The following TRAM1 variants were observed in gnomAD, a reference collection of about 807,000 sequenced individuals.
The protein encoded by TRAM1 is translocation associated membrane protein 1, also known as translocating chain-associated membrane protein 1.
TRAM1 carries 17 observed loss-of-function variants against 48.7 expected under a neutral mutation model. That is an observed-to-expected ratio of 0.35 (90% confidence interval 0.24 to 0.52). The LOEUF is 0.52. Ranked by LOEUF, TRAM1 falls within the 20% of genes least tolerant of loss-of-function variation. TRAM1 has a pLI of 0.94. For missense variants in TRAM1, 351 were observed against 441.5 expected (o/e 0.79, Z 1.84); for synonymous variants, 182 against 154.0 (o/e 1.18, Z -1.34).
intron 1 of TRAM1, chr8:70,607,347 G>T (rs1817760869): frequency 1.0e-6 from 1 of 985,236 alleles, no homozygotes; most frequent in African/African-American, 1.7e-5. Context: ...TCAGAACCTC[G>T]ATTTATCCAT....
rs141215749 is a variant in TRAM1, at chr8:70,608,092, C to T, written c.108G>A (p.Leu36=). 1.9e-4 allele frequency: 298 copies of T among 1,599,444 alleles called. No individual in the cohort carries two copies. The highest frequency in any genetic ancestry group is 2.3e-4 in the Non-Finnish European group (275 of 1,174,048). ...GCGGGCTCACCTCAAACATGAGCCC[C>T]AGCAGGAAGACCATCGCCACACAGG... ...IVSCVAMVFL[L]GLMFEITAKA... Residue 36 remains leucine, a synonymous_variant, in exon 1 of 11, where the codon CTG becomes CTA. Coordinates refer to ENST00000262213, the MANE Select transcript of TRAM1 (RefSeq NM_014294.6).
intron 6 of TRAM1, 57 bp downstream of exon 6, chr8:70,594,449 A>T (rs1291679032): frequency 2.1e-6 from 3 of 1,454,196 alleles, no homozygotes; most frequent in Middle Eastern, 1.8e-4. Flanking sequence ...TTTTAGAAAA[A>T]TTTTTCAAAA....
At chr8:70,578,044 T>C (rs766581320) in intron 10 of TRAM1, among the ~76,000 whole-genome samples, 4 of 152,216 alleles carry the variant, frequency 2.6e-5, no homozygotes, top group African/African-American at 7.2e-5. Flanking sequence ...TGGCTCATGC[T>C]TGACAGGTGT....
At chr8:70,600,875 G>T (rs1403026926) in intron 1 of TRAM1, among the ~76,000 whole-genome samples, 1 of 152,122 alleles carries the variant, frequency 6.6e-6, no homozygotes, top group Non-Finnish European at 1.5e-5. Flanking sequence ...CACAAAGGGG[G>T]ATGAAGAGGA....
intron 1 of TRAM1, chr8:70,607,245 T>C (rs1817757750): frequency 4.1e-6 from 4 of 985,278 alleles, no homozygotes; most frequent in Non-Finnish European, 4.8e-6. Context: ...ATCAAAATAC[T>C]AGATACGTGG....
chr8:70,592,048 C>T (rs1817378033), intron 6 of TRAM1, among the ~76,000 whole-genome samples: 1 of 151,908 alleles, frequency 6.6e-6, no homozygotes, highest in South Asian at 2.1e-4. Flanking sequence ...ATATGATATG[C>T]AATTATAGGT....
In TRAM1 at chr8:70,602,002, T is replaced by C. The variant is rs146271348; in HGVS notation, c.124-1920A>G. On this transcript the variant is annotated intron_variant, in intron 1 of 10. Coordinates refer to ENST00000262213, the MANE Select transcript of TRAM1 (RefSeq NM_014294.6). ...GAGAAGTAGGACAACATCAGACCCATGGAGAGAACAGGGAAAAAAGCAAAA... is the reference window on the plus strand; with the variant it reads ...GAGAAGTAGGACAACATCAGACCCACGGAGAGAACAGGGAAAAAAGCAAAA... 2.1e-3 allele frequency among the ~76,000 whole-genome samples: 317 copies of C among 151,838 alleles called. 2 individuals carry two copies. Among genetic ancestry groups the C allele is most frequent in the African/African-American group, 7.3e-3 (300 of 41,378 alleles).
chr8:70,600,653 C>T (rs184902282), intron 1 of TRAM1, among the ~76,000 whole-genome samples: 8 of 152,180 alleles, frequency 5.3e-5, no homozygotes, highest in Admixed American at 3.9e-4. Context: ...CAAAAAAGGA[C>T]GAGATGAAGA....
intron 10 of TRAM1, among the ~76,000 whole-genome samples, chr8:70,576,113 C>G (rs1563378297): frequency 6.7e-6 from 1 of 148,742 alleles, no homozygotes; most frequent in African/African-American, 2.5e-5. Context: ...AAAAAAAACC[C>G]CAAAACAAAA....
intron 6 of TRAM1, 122 bp from the exon 7 acceptor site, chr8:70,587,298 C>T (rs1348518902): frequency 9.3e-6 from 8 of 858,314 alleles, no homozygotes; most frequent in Non-Finnish European, 1.4e-5. Context: ...AGAGAACCCC[C>T]AACCTTGGCC....
chr8:70,599,923 GATTA>G (rs1817569153), intron 2 of TRAM1, 92 bp downstream of exon 2: 17 of 874,444 alleles, frequency 1.9e-5, no homozygotes, highest in Non-Finnish European at 2.8e-5. Flanking sequence ...GATCTCTGAC[GATTA>G]ATTAACGCAG....
rs534093253 is a variant in TRAM1 at position 70,576,102 on chromosome 8, A to C, written c.1052-1097T>G. ...AAAGAAAAAAAAAAAAAAACCACAC[A>C]AAAAAAAACCCCAAAACAAAACAAA... On this transcript the variant is annotated intron_variant, in intron 10 of 10. Transcript: ENST00000262213. Among the ~76,000 whole-genome samples, 319 of 149,242 alleles carry C rather than the reference A, an allele frequency of 2.1e-3. 5 individuals are homozygous for C. Among genetic ancestry groups the C allele is most frequent in the African/African-American group, 7.5e-3 (306 of 40,596 alleles).
chr8:70,583,213 C>G lies in TRAM1; in HGVS notation c.1002G>C (p.Val334=). 1 of 1,613,954 alleles carries G rather than the reference C, an allele frequency of 6.2e-7. No homozygotes were observed. Among genetic ancestry groups the G allele is most frequent in the Non-Finnish European group, 8.5e-7 (1 of 1,179,968 alleles). Residue 334 remains valine, a synonymous_variant, in exon 10 of 11, where the codon GTG becomes GTC. Coordinates refer to ENST00000262213, the MANE Select transcript of TRAM1 (RefSeq NM_014294.6). ...CTTTAGTTACTGTTGGTTTCTTCTT[C>G]ACAGCTGGTGCCTGAAAAGCAGAAT... is the stretch of plus-strand genomic sequence containing the variant. ...REHSAFQAPA[V]KKKPTVTKGR...
Position 70,608,343 on chromosome 8 carries a change from G to C in TRAM1, c.-144C>G. 1 of 1,031,674 alleles carries C rather than the reference G, an allele frequency of 9.7e-7. No homozygotes were observed. The highest frequency in any genetic ancestry group is 1.9e-5 in the South Asian group (1 of 51,436). 63.9% of individuals were successfully genotyped at this position (1,031,674 alleles called of 1,614,324 possible). Reference sequence around the variant, plus strand: ...CTGGGGCTTCACTTCCCATCCCACAGCCAGTACGCAGCCGCCGGGCCGCCC... The same window carrying C: ...CTGGGGCTTCACTTCCCATCCCACACCCAGTACGCAGCCGCCGGGCCGCCC... On this transcript the variant is annotated 5_prime_UTR_variant, in exon 1 of 11. Transcript: ENST00000262213.
intron 4 of TRAM1, 56 bp from the exon 5 acceptor site, chr8:70,596,377 A>G (rs1255845714): frequency 1.5e-6 from 2 of 1,310,912 alleles, no homozygotes; most frequent in Admixed American, 4.4e-5. Flanking sequence ...TTCTTGGAAA[A>G]TAAGGCATTA....
chr8:70,597,601 C>A (rs758154942), intron 4 of TRAM1, among the ~76,000 whole-genome samples: 1 of 123,340 alleles, frequency 8.1e-6, no homozygotes, highest in African/African-American at 3.1e-5. Flanking sequence ...ACCCGGGAGG[C>A]GGAGGTTGCA....
intron 10 of TRAM1, 103 bp downstream of exon 10, chr8:70,583,061 T>G: frequency 7.7e-7 from 1 of 1,295,690 alleles, no homozygotes; most frequent in East Asian, 2.5e-5. Flanking sequence ...CAGAATAGTA[T>G]TTTCTTTATA....
intron 6 of TRAM1, among the ~76,000 whole-genome samples, chr8:70,588,802 T>G (rs760318137): frequency 6.6e-5 from 10 of 152,258 alleles, no homozygotes; most frequent in Non-Finnish European, 1.3e-4. Flanking sequence ...ACCTCATTTC[T>G]AATTTCCTTT....
In TRAM1 at chr8:70,583,327, A is replaced by G; in HGVS notation, c.891-3T>C. 6.2e-7 allele frequency: 1 copy of G among 1,612,292 alleles called. No individual in the cohort carries two copies. The highest frequency in any genetic ancestry group is 8.5e-7 in the Non-Finnish European group (1 of 1,179,236). ...AAATGGATGCCAGAACAGCGATTCT[A>G]AGAAATATTAAGACATAAAAAGTTA... On this transcript the variant is annotated splice_polypyrimidine_tract_variant and splice_region_variant and intron_variant, in intron 9 of 10. Coordinates refer to ENST00000262213, the MANE Select transcript of TRAM1 (RefSeq NM_014294.6).
Sources: gnomAD v4.1 joint callset for allele counts (sites outside exome capture counted in the v4.1 genomes callset) on GRCh38, gnomAD v4.1.1 for gene constraint, MANE v1.5 for transcripts, NCBI Gene and HGNC (gene_info 2026-07-23, HGNC 2026-07-21) for gene names.